VPS13B: variants seen among roughly 807,000 people sequenced by gnomAD.
The protein encoded by VPS13B is intermembrane lipid transfer protein VPS13B.
VPS13B carries 285 observed loss-of-function variants against 426.4 expected under a neutral mutation model. The ratio of observed to expected loss-of-function variants is 0.67; its 90% confidence interval spans 0.61 to 0.74. The LOEUF (loss-of-function observed/expected upper bound fraction) is 0.74. VPS13B is among the 30% of genes least tolerant of loss of function. VPS13B has a pLI of 0.00. For missense variants in VPS13B, 4,537 were observed against 4,782.6 expected (o/e 0.95, Z 1.51); for synonymous variants, 1,676 against 1,676.4 (o/e 1.00, Z 0.01).
At position 99,338,337 on chromosome 8, in the gene VPS13B, ATC is replaced by A. The variant is rs1563675794; in HGVS notation, c.2825-45868_2825-45867del. ...AGTCTTTAATCCTTGAACGTAGTGT[ATC>A]TCATCATTTTTTTGGGTCTTTTTCT... is the stretch of plus-strand genomic sequence containing the variant. On this transcript the variant is annotated intron_variant, in intron 19 of 61. Coordinates refer to ENST00000357162, the MANE Select transcript of VPS13B (RefSeq NM_152564.5). Among the ~76,000 whole-genome samples the A allele has an allele frequency of 2.0e-5, 3 of 152,108 alleles. No individual in the cohort carries two copies. The South Asian group carries it at 6.2e-4, about 31-fold the overall frequency.
chr8:99,813,970 C>T (rs985409249), intron 44 of VPS13B, among the ~76,000 whole-genome samples: 2 of 152,062 alleles, frequency 1.3e-5, no homozygotes, highest in Non-Finnish European at 2.9e-5. Flanking sequence ...CCTATCTCTA[C>T]AAAACATAAA....
chr8:99,616,418 G>C (rs1228594448), intron 33 of VPS13B, among the ~76,000 whole-genome samples: 1 of 152,180 alleles, frequency 6.6e-6, no homozygotes, highest in African/African-American at 2.4e-5. Context: ...TGAAGGAGAG[G>C]TATCTCAAGA....
At chr8:99,860,606 G>A (rs958755691) in intron 57 of VPS13B, among the ~76,000 whole-genome samples, 4 of 152,086 alleles carry the variant, frequency 2.6e-5, no homozygotes, top group Non-Finnish European at 4.4e-5. Flanking sequence ...ATGTGTGTGC[G>A]CACACAGATA....
chr8:99,329,220 C>A (rs552986816), intron 19 of VPS13B, among the ~76,000 whole-genome samples: 46 of 152,046 alleles, frequency 3.0e-4, no homozygotes, highest in African/African-American at 1.1e-3. Flanking sequence ...AAATTTAATT[C>A]TCTTGGCCTT....
chr8:99,720,420 G>A lies in VPS13B; in HGVS notation c.6733G>A (p.Gly2245Arg). 1 of 1,613,892 alleles carries A rather than the reference G, an allele frequency of 6.2e-7. No individual in the cohort carries two copies. Among genetic ancestry groups the A allele is most frequent in the Non-Finnish European group, 8.5e-7 (1 of 1,179,890 alleles). The part of the protein sequence containing the change: ...ELLNGYLNEE[G>R]NFEVQVSEPV... ...ACTCAATGGATACCTTAATGAGGAG[G>A]GAAATTTTGAAGTACAAGTTTCTGA... Residue 2245 changes from glycine (G) to arginine (R), a missense_variant, in exon 38 of 62, where the codon GGA becomes AGA. This residue lies in a region of VPS13B where 4,311 missense variants were observed against 4,474.3 expected (regional missense o/e 0.96). Coordinates refer to ENST00000357162, the MANE Select transcript of VPS13B (RefSeq NM_152564.5).
chr8:99,532,698 C>A (rs959194492), intron 30 of VPS13B, among the ~76,000 whole-genome samples: 2 of 151,576 alleles, frequency 1.3e-5, no homozygotes, highest in African/African-American at 4.8e-5. Flanking sequence ...TTATTTTTAA[C>A]ATAGTTGATG....
At chr8:99,268,901 G>T (rs940415009) in intron 17 of VPS13B, among the ~76,000 whole-genome samples, 1 of 152,154 alleles carries the variant, frequency 6.6e-6, no homozygotes, top group Non-Finnish European at 1.5e-5. Flanking sequence ...GGGACCCAGT[G>T]GGAGGTAGTT....
intron 19 of VPS13B, among the ~76,000 whole-genome samples, chr8:99,296,614 G>A (rs997986659): frequency 1.3e-5 from 2 of 152,206 alleles, no homozygotes; most frequent in Admixed American, 1.3e-4. Flanking sequence ...TGGTCTGAAT[G>A]TGTCTCCTAA....
chr8:99,302,393 T>C (rs948350519), intron 19 of VPS13B, among the ~76,000 whole-genome samples: 2 of 152,246 alleles, frequency 1.3e-5, no homozygotes, highest in African/African-American at 4.8e-5. Flanking sequence ...TGGCTTAGCC[T>C]ACCTTAAACA....
At chr8:99,450,455 C>T (rs531345656) in intron 23 of VPS13B, among the ~76,000 whole-genome samples, 2 of 152,260 alleles carry the variant, frequency 1.3e-5, no homozygotes, top group East Asian at 3.9e-4. Flanking sequence ...GTGGCTCATT[C>T]CTGTAATCCC....
intron 8 of VPS13B, among the ~76,000 whole-genome samples, chr8:99,127,444 C>G (rs1848233477): frequency 6.6e-6 from 1 of 152,164 alleles, no homozygotes; most frequent in Non-Finnish European, 1.5e-5. Context: ...CACCCCCACC[C>G]CCACTATTTT....
intron 54 of VPS13B, among the ~76,000 whole-genome samples, chr8:99,840,645 CT>C (rs2130880342): frequency 6.6e-6 from 1 of 152,184 alleles, no homozygotes; most frequent in African/African-American, 2.4e-5. Flanking sequence ...TCTAAAATCA[CT>C]TTTAAACTAT....
At chr8:99,379,108 A>G (rs1451621537) in intron 19 of VPS13B, among the ~76,000 whole-genome samples, 1 of 152,170 alleles carries the variant, frequency 6.6e-6, no homozygotes, top group African/African-American at 2.4e-5. Flanking sequence ...TTGTGCATAC[A>G]AGGGATCTAG....
intron 43 of VPS13B, among the ~76,000 whole-genome samples, chr8:99,793,786 A>G (rs1009914125): frequency 9.2e-5 from 14 of 152,208 alleles, no homozygotes; most frequent in African/African-American, 3.4e-4. Flanking sequence ...GAAGGATGGT[A>G]TATTAGAAAA....
intron 8 of VPS13B, among the ~76,000 whole-genome samples, chr8:99,126,810 A>C (rs888061269): frequency 3.9e-5 from 6 of 152,142 alleles, no homozygotes; most frequent in African/African-American, 1.4e-4. Context: ...TAAAAATGTT[A>C]TCGCTGGGCA....
At chr8:99,196,857 G>T (rs1813965877) in intron 17 of VPS13B, among the ~76,000 whole-genome samples, 1 of 152,020 alleles carries the variant, frequency 6.6e-6, no homozygotes. Flanking sequence ...AGGACTTCCA[G>T]TACTGTGTGG....
At chr8:99,536,887 G>GAATTTTC (rs1563782918) in intron 30 of VPS13B, 1 of 462,386 alleles carries the variant, frequency 2.2e-6, no homozygotes, top group Admixed American at 2.5e-5. Flanking sequence ...CAAAAACTAG[G>GAATTTTC]GAAAAAAAGT....
chr8:99,592,693 AT>A (rs997211627), intron 33 of VPS13B, among the ~76,000 whole-genome samples: 25 of 152,280 alleles, frequency 1.6e-4, no homozygotes, highest in Non-Finnish European at 2.5e-4. Context: ...CCAAAACAGC[AT>A]GGTACTGATA....
intron 58 of VPS13B, among the ~76,000 whole-genome samples, chr8:99,865,743 G>C (rs1817066422): frequency 6.6e-6 from 1 of 152,252 alleles, no homozygotes; most frequent in Non-Finnish European, 1.5e-5. Flanking sequence ...TTACTTTCTG[G>C]AAGGGCGAGC....
Sources: allele counts gnomAD v4.1 joint callset (sites outside exome capture counted in the v4.1 genomes callset), GRCh38; gene constraint gnomAD v4.1.1; regional missense constraint gnomAD v4.1.1; transcripts MANE v1.5; gene names NCBI Gene and HGNC (gene_info 2026-07-23, HGNC 2026-07-21).